Variants in SRD5A2 observed in about 807,000 individuals in gnomAD.
SRD5A2 encodes 3-oxo-5-alpha-steroid 4-dehydrogenase 2.
SRD5A2 carries 30 observed loss-of-function variants against 27.4 expected under a neutral mutation model. That is an observed-to-expected ratio of 1.10 (90% CI 0.82 to 1.49). The LOEUF (loss-of-function observed/expected upper bound fraction) is 1.49. SRD5A2 is among the 40% of genes most tolerant of loss of function. SRD5A2 has a pLI of 0.00. For missense variants in SRD5A2, 348 were observed against 323.4 expected, an observed-to-expected ratio of 1.08 and a Z score of -0.58; for synonymous variants, 141 against 133.6, an observed-to-expected ratio of 1.06 and a Z score of -0.38.
the SRD5A2 span, among the ~76,000 whole-genome samples, chr2:31,642,188 A>G: frequency 4.5e-4 from 68 of 152,256 alleles, no homozygotes; most frequent in African/African-American, 1.6e-3. Context: ...TTAGATGTCC[A>G]TATACCAAAC....
intron 4 of SRD5A2, among the ~76,000 whole-genome samples, chr2:31,528,963 G>C (rs1665840310): frequency 6.6e-6 from 1 of 152,186 alleles, no homozygotes; most frequent in Non-Finnish European, 1.5e-5. Flanking sequence ...GGTGGGCACA[G>C]AGCCTGGGTC....
intron 2 of SRD5A2, 145 bp from the exon 3 acceptor site, chr2:31,531,617 G>A (rs1572630484): frequency 2.0e-6 from 1 of 512,020 alleles, no homozygotes; most frequent in South Asian, 2.4e-5. Flanking sequence ...AAAGTGGGGA[G>A]GGCAATGAGT....
upstream of SRD5A2, among the ~76,000 whole-genome samples, chr2:31,584,031 G>A (rs1360350451): frequency 1.3e-5 from 2 of 152,198 alleles, no homozygotes; most frequent in African/African-American, 4.8e-5. Context: ...TACAGCGGCT[G>A]TCTTTACTTT....
At chr2:31,559,831 CA>C (rs1666577754) in intron 1 of SRD5A2, among the ~76,000 whole-genome samples, 1 of 103,034 alleles carries the variant, frequency 9.7e-6, no homozygotes, top group Non-Finnish European at 2.0e-5. Context: ...TAAAAGTAAA[CA>C]AACCCACACA....
At chr2:31,575,540 AT>A (rs1489812443) in intron 1 of SRD5A2, among the ~76,000 whole-genome samples, 1 of 152,232 alleles carries the variant, frequency 6.6e-6, no homozygotes, top group Non-Finnish European at 1.5e-5. Context: ...GGAGGAAAGG[AT>A]GCCTGACCTG....
chr2:31,532,758 C>T (rs1387357304), intron 2 of SRD5A2, among the ~76,000 whole-genome samples: 4 of 149,330 alleles, frequency 2.7e-5, no homozygotes. Context: ...GTCAAAAGAT[C>T]ATTAGCCTGG....
chr2:31,532,203 C>T (rs1665921939), intron 2 of SRD5A2, among the ~76,000 whole-genome samples: 1 of 152,110 alleles, frequency 6.6e-6, no homozygotes, highest in Non-Finnish European at 1.5e-5. Context: ...CCACCTACTT[C>T]GACACTTGTT....
chr2:31,617,172 G>A, the SRD5A2 span, among the ~76,000 whole-genome samples: 7 of 151,876 alleles, frequency 4.6e-5, no homozygotes, highest in African/African-American at 1.5e-4. Flanking sequence ...ACCCAGTCTC[G>A]GGTATGTCTT....
the SRD5A2 span, among the ~76,000 whole-genome samples, chr2:31,657,293 A>C: frequency 2.6e-5 from 4 of 152,240 alleles, no homozygotes; most frequent in Non-Finnish European, 5.9e-5. Context: ...GACTATCTTC[A>C]GAATTTTTCC....
At chr2:31,569,641 A>G (rs1323249735) in intron 1 of SRD5A2, among the ~76,000 whole-genome samples, 1 of 151,626 alleles carries the variant, frequency 6.6e-6, no homozygotes, top group Non-Finnish European at 1.5e-5. Context: ...AAATGGTACT[A>G]AAACAATTGA....
the SRD5A2 span, among the ~76,000 whole-genome samples, chr2:31,618,913 A>G: frequency 6.6e-6 from 1 of 152,182 alleles, no homozygotes; most frequent in South Asian, 2.1e-4. Flanking sequence ...TAATGTACAC[A>G]TAGATCAAAA....
chr2:31,645,947 A>T, the SRD5A2 span, among the ~76,000 whole-genome samples: 20 of 151,572 alleles, frequency 1.3e-4, no homozygotes, highest in African/African-American at 4.6e-4. Flanking sequence ...GCATAATGGG[A>T]CTCCATCTTG....
chr2:31,542,506 C>A (rs1419721745), intron 1 of SRD5A2, among the ~76,000 whole-genome samples: 1 of 151,712 alleles, frequency 6.6e-6, no homozygotes, highest in Admixed American at 6.6e-5. Context: ...AAGAACCTGT[C>A]TCAATAAATA....
At chr2:31,622,266 C>T in the SRD5A2 span, among the ~76,000 whole-genome samples, 1 of 152,052 alleles carries the variant, frequency 6.6e-6, no homozygotes, top group Non-Finnish European at 1.5e-5. Context: ...TAATGGCTTC[C>T]AGCTCCATCC....
chr2:31,638,627 C>T, the SRD5A2 span, among the ~76,000 whole-genome samples: 2 of 152,026 alleles, frequency 1.3e-5, no homozygotes, highest in South Asian at 4.2e-4. Context: ...TAGATATTTA[C>T]AATTGTTATA....
chr2:31,592,099 C>CA, the SRD5A2 span, among the ~76,000 whole-genome samples: 4 of 146,218 alleles, frequency 2.7e-5, no homozygotes, highest in Admixed American at 2.7e-4. Context: ...TAAAAAAAAA[C>CA]AAAAATAAAA....
the SRD5A2 span, among the ~76,000 whole-genome samples, chr2:31,645,188 T>A: frequency 2.0e-5 from 3 of 152,192 alleles, no homozygotes; most frequent in South Asian, 6.2e-4. Context: ...GGTTATCTGG[T>A]GGGAAGGTTA....
the SRD5A2 span, among the ~76,000 whole-genome samples, chr2:31,607,083 AAGAAG>A: frequency 2.6e-5 from 4 of 152,054 alleles, no homozygotes; most frequent in Non-Finnish European, 5.9e-5. Context: ...TTGAATAAGG[AAGAAG>A]AGAAGTGATA....
chr2:31,602,054 C>A, the SRD5A2 span, among the ~76,000 whole-genome samples: 1 of 151,996 alleles, frequency 6.6e-6, no homozygotes, highest in Non-Finnish European at 1.5e-5. Flanking sequence ...GAAGTTCTGG[C>A]CAGGGCAATC....
Sources: allele counts gnomAD v4.1 joint callset (sites outside exome capture counted in the v4.1 genomes callset), GRCh38; gene constraint gnomAD v4.1.1; transcripts MANE v1.5; gene names NCBI Gene and HGNC (gene_info 2026-07-23, HGNC 2026-07-21).